LYPD6B: variants seen among roughly 807,000 people sequenced by gnomAD.
LYPD6B encodes the protein LY6/PLAUR domain containing 6B.
Under a neutral mutation model 22.8 loss-of-function variants are expected in LYPD6B, and 17 were observed. The ratio of observed to expected loss-of-function variants is 0.75; its 90% CI spans 0.51 to 1.12. The LOEUF (loss-of-function observed/expected upper bound fraction) is 1.12. Ranked by LOEUF, LYPD6B falls within the 50% of genes most tolerant of loss-of-function variation. LYPD6B has a pLI of 0.00. For synonymous variants in LYPD6B, 106 were observed against 91.6 expected, an observed-to-expected ratio of 1.16 and a Z score of -0.90; for missense variants, 221 against 258.3, an observed-to-expected ratio of 0.86 and a Z score of 0.99.
chr2:149,045,340 C>G (rs1008744156), intron 1 of LYPD6B, among the ~76,000 whole-genome samples: 23 of 151,912 alleles, frequency 1.5e-4, no homozygotes, highest in Non-Finnish European at 1.2e-4. Context: ...AGAGGTTTAT[C>G]AATTTTACTG....
intron 3 of LYPD6B, among the ~76,000 whole-genome samples, chr2:149,167,090 C>A (rs1160832946): frequency 1.3e-5 from 2 of 150,870 alleles, no homozygotes; most frequent in African/African-American, 2.4e-5. Flanking sequence ...TCACTTTCCT[C>A]GTTTCTTATT....
chr2:149,214,906 A>G lies in LYPD6B; in HGVS notation c.*196A>G. The G allele has an allele frequency of 1.7e-6, 1 of 604,540 alleles. No individual in the cohort carries two copies. Among genetic ancestry groups the G allele is most frequent in the Non-Finnish European group, 2.9e-6 (1 of 344,768 alleles). The allele number at this position is 604,540 out of a possible 1,614,324, so 37.4% of individuals were successfully genotyped here. ...ACAGGACTGAGGATGGGAATTTGGC[A>G]GGGCCTGAGAAGATGGTCTGACTTC... On this transcript the variant is annotated 3_prime_UTR_variant, in exon 7 of 7. Coordinates refer to ENST00000409642, the MANE Select transcript of LYPD6B (RefSeq NM_177964.5).
At chr2:149,055,154 T>C (rs544248029) in intron 1 of LYPD6B, among the ~76,000 whole-genome samples, 2 of 152,370 alleles carry the variant, frequency 1.3e-5, no homozygotes, top group South Asian at 4.1e-4. Flanking sequence ...GAGTGTTCTT[T>C]CTGCCATTGA....
chr2:149,203,172 T>G (rs1693282893), intron 3 of LYPD6B, among the ~76,000 whole-genome samples: 1 of 152,198 alleles, frequency 6.6e-6, no homozygotes, highest in Non-Finnish European at 1.5e-5. Flanking sequence ...TATCCTATGC[T>G]TGTTCTAGAG....
chr2:149,092,413 T>C (rs1685698682), intron 1 of LYPD6B, among the ~76,000 whole-genome samples: 1 of 152,160 alleles, frequency 6.6e-6, no homozygotes, highest in Non-Finnish European at 1.5e-5. Context: ...TGGAAGTGAC[T>C]AGGCGATCTT....
intron 1 of LYPD6B, among the ~76,000 whole-genome samples, chr2:149,075,820 T>G (rs2105374598): frequency 6.6e-6 from 1 of 152,362 alleles, no homozygotes; most frequent in East Asian, 1.9e-4. Context: ...GTAGGTAAGA[T>G]AAACAGATAT....
chr2:149,160,826 C>A lies in LYPD6B; in HGVS notation c.68C>A (p.Ser23Tyr). Residue 23 changes from serine (S) to tyrosine (Y), a missense_variant, in exon 3 of 7, where the codon TCC (serine) becomes TAC (tyrosine). Coordinates refer to ENST00000409642, the MANE Select transcript of LYPD6B (RefSeq NM_177964.5). ...VPERSLTTTF[S>Y]FSRYKSSDRP... ...GAGAGGAGCCTGACAACCACATTCT[C>A]CTTCTCAAGGTAAGAATGGCAGCTG... 1 of 1,552,306 alleles carries A rather than the reference C, an allele frequency of 6.4e-7. No individual in the cohort carries two copies.
intron 1 of LYPD6B, among the ~76,000 whole-genome samples, chr2:149,042,851 C>T (rs1049659963): frequency 6.6e-6 from 1 of 151,920 alleles, no homozygotes; most frequent in African/African-American, 2.4e-5. Context: ...GGGTTTTGGG[C>T]AAAAAGGACA....
At chr2:149,193,815 C>T (rs1692640765) in intron 3 of LYPD6B, among the ~76,000 whole-genome samples, 1 of 151,780 alleles carries the variant, frequency 6.6e-6, no homozygotes, top group Admixed American at 6.6e-5. Flanking sequence ...TAGAGGAATC[C>T]AGGTTTCAGT....
At chr2:149,112,589 C>T (rs1483133911) in intron 1 of LYPD6B, among the ~76,000 whole-genome samples, 7 of 152,154 alleles carry the variant, frequency 4.6e-5, no homozygotes, top group African/African-American at 1.7e-4. Context: ...ATGTCTCTCA[C>T]CCTTGGTTTC....
chr2:149,163,675 A>G (rs1690238019), intron 3 of LYPD6B, among the ~76,000 whole-genome samples: 1 of 152,128 alleles, frequency 6.6e-6, no homozygotes, highest in South Asian at 2.1e-4. Flanking sequence ...CAGGTGAGGG[A>G]ACACTGATTT....
At chr2:149,200,871 C>T (rs1029522570) in intron 3 of LYPD6B, among the ~76,000 whole-genome samples, 1 of 152,194 alleles carries the variant, frequency 6.6e-6, no homozygotes, top group African/African-American at 2.4e-5. Flanking sequence ...CAAAGAAGCA[C>T]TCTGCATTCT....
intron 6 of LYPD6B, 32 bp from the exon 7 acceptor site, chr2:149,214,514 A>C: frequency 6.2e-7 from 1 of 1,604,806 alleles, no homozygotes. Flanking sequence ...TCTATTATTC[A>C]CTGTCATTTC....
chr2:149,082,385 CTG>C (rs1324417599), intron 1 of LYPD6B, among the ~76,000 whole-genome samples: 1 of 152,142 alleles, frequency 6.6e-6, no homozygotes, highest in Non-Finnish European at 1.5e-5. Flanking sequence ...GTGATTTTGA[CTG>C]TGATATATTC....
chr2:149,068,780 G>T, intron 1 of LYPD6B: 1 of 487,770 alleles, frequency 2.1e-6, no homozygotes. Flanking sequence ...TTCAGAGAGG[G>T]AATGAAACAA....
chr2:149,165,874 A>C (rs1438451981), intron 3 of LYPD6B, among the ~76,000 whole-genome samples: 1 of 152,116 alleles, frequency 6.6e-6, no homozygotes, highest in African/African-American at 2.4e-5. Flanking sequence ...GGGATTGGCT[A>C]TTTAGAGATG....
chr2:149,104,546 C>CT (rs1226779977), intron 1 of LYPD6B, among the ~76,000 whole-genome samples: 2 of 152,122 alleles, frequency 1.3e-5, no homozygotes, highest in African/African-American at 4.8e-5. Context: ...GGTGAGGTGT[C>CT]TGCCCATTTA....
chr2:149,049,521 G>A lies in LYPD6B; in HGVS notation c.-67+10720G>A, dbSNP rs565515219. On this transcript the variant is annotated intron_variant, in intron 1 of 6. Transcript: ENST00000409642. ...GTCCATCTTCCAGTGGACAAGCTTT[G>A]GAAGGTTTCAAAACAGGTCCCTTAG... Among the ~76,000 whole-genome samples the A allele has an allele frequency of 5.9e-5, 9 of 152,282 alleles. No homozygotes were observed. The East Asian group carries it at 1.7e-3, about 29-fold the overall frequency.
intron 3 of LYPD6B, among the ~76,000 whole-genome samples, chr2:149,200,098 G>A (rs1693057940): frequency 6.6e-6 from 1 of 152,168 alleles, no homozygotes; most frequent in African/African-American, 2.4e-5. Context: ...TTTTTACAAG[G>A]GAAGCCAGGC....
Sources: gnomAD v4.1 joint callset for allele counts (sites outside exome capture counted in the v4.1 genomes callset) on GRCh38, gnomAD v4.1.1 for gene constraint, MANE v1.5 for transcripts, NCBI Gene and HGNC (gene_info 2026-07-23, HGNC 2026-07-21) for gene names.